Variants in CAMK4 observed in about 807,000 individuals in gnomAD.
The protein encoded by CAMK4 is calcium/calmodulin-dependent protein kinase type IV.
In CAMK4, 22 loss-of-function variants were observed where a neutral mutation model predicts 44.9. The ratio of observed to expected loss-of-function variants is 0.49; its 90% CI spans 0.35 to 0.70. CAMK4 has a LOEUF of 0.70. Ranked by LOEUF, CAMK4 falls within the 30% of genes least tolerant of loss-of-function variation. CAMK4 has a pLI of 0.01. For missense variants in CAMK4, 498 were observed against 586.8 expected (o/e 0.85, Z 1.56); for synonymous variants, 218 against 215.4 (o/e 1.01, Z -0.11).
intron 4 of CAMK4, among the ~76,000 whole-genome samples, chr5:111,384,272 GC>G (rs769540011): frequency 3.3e-5 from 5 of 152,062 alleles, no homozygotes; most frequent in Non-Finnish European, 7.4e-5. Flanking sequence ...TATATTACTG[GC>G]TTACTCCTTC....
At chr5:111,348,571 A>G (rs1296809082) in intron 2 of CAMK4, among the ~76,000 whole-genome samples, 1 of 152,044 alleles carries the variant, frequency 6.6e-6, no homozygotes, top group African/African-American at 2.4e-5. Context: ...AAAGAATTGG[A>G]ATGCATTAAA....
intron 1 of CAMK4, among the ~76,000 whole-genome samples, chr5:111,269,678 T>A (rs979744607): frequency 5.3e-5 from 8 of 152,150 alleles, no homozygotes; most frequent in African/African-American, 1.9e-4. Flanking sequence ...GCACCTTCTC[T>A]CGTCCCTGGG....
chr5:111,423,432 T>A (rs1253187161), intron 5 of CAMK4, among the ~76,000 whole-genome samples: 1 of 152,220 alleles, frequency 6.6e-6, no homozygotes, highest in Non-Finnish European at 1.5e-5. Flanking sequence ...AATTTAACAT[T>A]GAAACACATA....
At chr5:111,275,411 G>T (rs193209312) in intron 1 of CAMK4, among the ~76,000 whole-genome samples, 1 of 152,036 alleles carries the variant, frequency 6.6e-6, no homozygotes, top group East Asian at 1.9e-4. Flanking sequence ...AAATTACAAT[G>T]CATACTTATT....
At chr5:111,474,707 T>G (rs1178026775) in intron 8 of CAMK4, among the ~76,000 whole-genome samples, 1 of 152,090 alleles carries the variant, frequency 6.6e-6, no homozygotes, top group East Asian at 1.9e-4. Flanking sequence ...ATGGGCTAAC[T>G]GTGGTAGGGC....
chr5:111,432,514 C>T (rs560018966), intron 5 of CAMK4, among the ~76,000 whole-genome samples: 11 of 151,524 alleles, frequency 7.3e-5, no homozygotes, highest in South Asian at 4.2e-4. Flanking sequence ...ATTTGTAACT[C>T]AAAGGATAAA....
At chr5:111,288,911 T>C (rs1187227787) in intron 1 of CAMK4, among the ~76,000 whole-genome samples, 1 of 152,168 alleles carries the variant, frequency 6.6e-6, no homozygotes, top group Non-Finnish European at 1.5e-5. Context: ...AAAGGGGAAA[T>C]ATTTATCAGC....
At chr5:111,326,397 A>AAAAT in intron 1 of CAMK4, among the ~76,000 whole-genome samples, 1 of 152,100 alleles carries the variant, frequency 6.6e-6, no homozygotes, top group Admixed American at 6.6e-5. Flanking sequence ...AAAGTGACAT[A>AAAAT]AGAAATAAAA....
At position 111,328,487 on chromosome 5, in the gene CAMK4, G is replaced by T. The variant is rs374894920; in HGVS notation, c.162-15537G>T. Among the ~76,000 whole-genome samples the T allele has an allele frequency of 2.0e-4, 30 of 151,940 alleles. 1 individual carries two copies. Among genetic ancestry groups the T allele is most frequent in the Admixed American group, 2.0e-3 (30 of 15,220 alleles). On this transcript the variant is annotated intron_variant, in intron 1 of 10. Coordinates refer to ENST00000282356, the MANE Select transcript of CAMK4 (RefSeq NM_001744.6). ...TCTTTTGGCTTAGGAGTGACTTGGC[G>T]ATGCGGGCTCTTTTTTGGTTCCATA...
Position 111,484,205 on chromosome 5 carries a change from T to G in CAMK4, c.1161T>G (p.Val387=). The G allele has an allele frequency of 1.2e-6, 2 of 1,614,092 alleles. No homozygotes were observed. Among genetic ancestry groups the G allele is most frequent in the Non-Finnish European group, 8.5e-7 (1 of 1,180,000 alleles). Residue 387 remains valine (V), a synonymous_variant, in exon 11 of 11, where the codon GTT becomes GTG. Coordinates refer to ENST00000282356, the MANE Select transcript of CAMK4 (RefSeq NM_001744.6). The surrounding 1 kb of genome is among the most constrained non-coding windows in gnomAD (Gnocchi z 5.3). ...KIQGDGAQAA[V]KGAQAELMKV... Reference sequence around the variant, plus strand: ...AAGGCGATGGGGCCCAAGCCGCAGTTAAGGGGGCACAGGCTGAGCTGATGA... The same window carrying G: ...AAGGCGATGGGGCCCAAGCCGCAGTGAAGGGGGCACAGGCTGAGCTGATGA...
intron 1 of CAMK4, among the ~76,000 whole-genome samples, chr5:111,255,880 ATGGGT>A (rs1296234218): frequency 5.9e-5 from 9 of 152,240 alleles, no homozygotes; most frequent in Admixed American, 5.9e-4. Flanking sequence ...TATGTGAGTA[ATGGGT>A]TGAATCAATA....
At chr5:111,373,953 G>T (rs115330588) in intron 2 of CAMK4, among the ~76,000 whole-genome samples, 2,453 of 152,180 alleles carry the variant, frequency 0.016, 63 homozygotes, top group African/African-American at 0.055. Context: ...TCAATCACTG[G>T]GCTAGAGAGA....
In CAMK4 at chr5:111,239,352, G is replaced by T. The variant is rs894500889; in HGVS notation, c.161+14708G>T. Among the ~76,000 whole-genome samples the T allele has an allele frequency of 2.0e-5, 3 of 152,076 alleles. No homozygotes were observed. The South Asian group carries it at 6.2e-4, about 32-fold the overall frequency. On this transcript the variant is annotated intron_variant, in intron 1 of 10. Transcript: ENST00000282356. ...GTCAGTGTTTCTTTAGCACTAGGTT[G>T]CTTTCTCTGGCTGTTATTGTCAGTT...
intron 1 of CAMK4, among the ~76,000 whole-genome samples, chr5:111,343,526 T>C (rs576266055): frequency 1.6e-3 from 248 of 151,896 alleles, no homozygotes; most frequent in African/African-American, 5.9e-3. Context: ...GCTTCACAGA[T>C]TACCATCTCC....
intron 2 of CAMK4, among the ~76,000 whole-genome samples, chr5:111,362,000 T>C (rs1437895760): frequency 6.6e-6 from 1 of 152,086 alleles, no homozygotes; most frequent in Non-Finnish European, 1.5e-5. Flanking sequence ...GCCTTCTCTG[T>C]TAAGAATTAA....
At chr5:111,442,372 C>T (rs1288098594) in intron 5 of CAMK4, among the ~76,000 whole-genome samples, 1 of 152,084 alleles carries the variant, frequency 6.6e-6, no homozygotes, top group East Asian at 1.9e-4. Context: ...TGGCGCGTGC[C>T]TGTTGTCCCA....
Position 111,478,595 on chromosome 5 carries a change from C to A in CAMK4, c.828+88C>A. ...GAAGTACAATTTTTTAAAATTTTAC[C>A]CATATTAATGCCATATTTTCTTTCA... On this transcript the variant is annotated intron_variant, in intron 9 of 10. Coordinates refer to ENST00000282356, the MANE Select transcript of CAMK4 (RefSeq NM_001744.6). The A allele has an allele frequency of 7.4e-6, 4 of 543,408 alleles. No individual in the cohort carries two copies. The South Asian group carries it at 1.1e-4, about 15-fold the overall frequency. 33.7% of individuals were successfully genotyped at this position (543,408 alleles called of 1,614,324 possible).
In CAMK4 at chr5:111,429,808, A is replaced by T. The variant is rs1448681870; in HGVS notation, c.460-16878A>T. Among the ~76,000 whole-genome samples, 3 of 141,622 alleles carry T rather than the reference A, an allele frequency of 2.1e-5. No homozygotes were observed. The Admixed American group carries it at 2.1e-4, about 10-fold the overall frequency. The allele number at this position is 141,622 out of a possible 152,430, so 92.9% of individuals were successfully genotyped here. On this transcript the variant is annotated intron_variant, in intron 5 of 10. Coordinates refer to ENST00000282356, the MANE Select transcript of CAMK4 (RefSeq NM_001744.6). Reference sequence around the variant, plus strand: ...AAAAAAAAAAAAAAAAAAAAAAAAAAGCCGTAATAAAAAACCTCCTAGTAA... The same window carrying T: ...AAAAAAAAAAAAAAAAAAAAAAAAATGCCGTAATAAAAAACCTCCTAGTAA...
At chr5:111,333,086 A>T (rs1419349997) in intron 1 of CAMK4, among the ~76,000 whole-genome samples, 2 of 151,706 alleles carry the variant, frequency 1.3e-5, no homozygotes, top group African/African-American at 2.4e-5. Flanking sequence ...TAAATAGTAT[A>T]TAAAAACAAT....
Sources: gnomAD v4.1 joint callset for allele counts (sites outside exome capture counted in the v4.1 genomes callset) on GRCh38, gnomAD v4.1.1 for gene constraint, Gnocchi (gnomAD v3.1) non-coding constraint, MANE v1.5 for transcripts, NCBI Gene and HGNC (gene_info 2026-07-23, HGNC 2026-07-21) for gene names.